RHOBTB1: variants seen among roughly 807,000 people sequenced by gnomAD.
RHOBTB1 encodes Rho related BTB domain containing 1.
A neutral mutation model predicts 71.6 loss-of-function variants in RHOBTB1; 40 were observed. That is an observed-to-expected ratio of 0.56 (90% CI 0.43 to 0.73). The LOEUF (loss-of-function observed/expected upper bound fraction) is 0.73. RHOBTB1 is among the 30% of genes least tolerant of loss of function. The pLI, the probability that RHOBTB1 is intolerant of heterozygous loss-of-function variation, is 0.00. For synonymous variants in RHOBTB1, 319 were observed against 334.9 expected (o/e 0.95, Z 0.52); for missense variants, 797 against 894.0 (o/e 0.89, Z 1.38).
At chr10:60,875,451 A>G (rs12221129) in intron 8 of RHOBTB1, among the ~76,000 whole-genome samples, 9,193 of 152,282 alleles carry the variant, frequency 0.06, 350 homozygotes, top group Admixed American at 0.071. Context: ...TGGACCATCC[A>G]GATATGAAAT....
At chr10:60,920,536 C>T (rs1263045554) in intron 2 of RHOBTB1, among the ~76,000 whole-genome samples, 1 of 151,402 alleles carries the variant, frequency 6.6e-6, no homozygotes, top group East Asian at 1.9e-4. Flanking sequence ...GCCTTTCAGG[C>T]CATAGTCAGG....
Position 60,871,259 on chromosome 10 carries a change from A to G in RHOBTB1, c.*223T>C. ...CAAAAAAAATATACATATCAGTTTA[A>G]GGAATGCAGTGAGAGTCAGCTTCCC... On this transcript the variant is annotated 3_prime_UTR_variant, in exon 11 of 11. Coordinates refer to ENST00000337910, the MANE Select transcript of RHOBTB1 (RefSeq NM_014836.5). 1 of 458,320 alleles carries G rather than the reference A, an allele frequency of 2.2e-6. No homozygotes were observed. 28.4% of individuals were successfully genotyped at this position (458,320 alleles called of 1,614,324 possible).
chr10:60,921,293 T>C (rs1452340979), intron 2 of RHOBTB1, among the ~76,000 whole-genome samples: 6 of 152,122 alleles, frequency 3.9e-5, no homozygotes, highest in African/African-American at 1.2e-4. Context: ...GAGACTGCTG[T>C]ATGTACAGAG....
At chr10:60,945,811 G>A (rs147165084), upstream of RHOBTB1, among the ~76,000 whole-genome samples, 1 of 152,272 alleles carries the variant, frequency 6.6e-6, no homozygotes, top group East Asian at 1.9e-4. Flanking sequence ...AGAAAGAGAG[G>A]GTAGTGAAAA....
At chr10:60,863,148 C>G in the RHOBTB1 span, among the ~76,000 whole-genome samples, 229 of 152,174 alleles carry the variant, frequency 1.5e-3, no homozygotes, top group African/African-American at 5.3e-3. Context: ...TGCTGTAGAT[C>G]TGTAAAATGC....
intron 2 of RHOBTB1, among the ~76,000 whole-genome samples, chr10:60,919,782 A>C (rs1432868786): frequency 6.6e-6 from 1 of 152,240 alleles, no homozygotes; most frequent in Non-Finnish European, 1.5e-5. Flanking sequence ...GCTCTCTGAC[A>C]GTGGAGACCC....
chr10:60,932,613 C>T (rs1483742245), intron 2 of RHOBTB1, among the ~76,000 whole-genome samples: 1 of 150,876 alleles, frequency 6.6e-6, no homozygotes, highest in South Asian at 2.1e-4. Flanking sequence ...AGGGCTGGAT[C>T]GGGAAGCTTT....
the RHOBTB1 span, among the ~76,000 whole-genome samples, chr10:60,862,571 T>TTTCTTTCCTTTCTTCTTTCTTCC: frequency 6.8e-6 from 1 of 147,872 alleles, no homozygotes; most frequent in Admixed American, 6.7e-5. Flanking sequence ...TCTTTCTTTC[T>TTTCTTTCCTTTCTTCTTTCTTCC]TTTCCTTTTT....
chr10:60,945,854 C>T (rs1330473363), upstream of RHOBTB1, among the ~76,000 whole-genome samples: 6 of 152,176 alleles, frequency 3.9e-5, no homozygotes, highest in Non-Finnish European at 8.8e-5. Flanking sequence ...AAGAACACAT[C>T]CAAGAGGTGG....
At chr10:60,880,350 C>T (rs2081274716) in intron 7 of RHOBTB1, among the ~76,000 whole-genome samples, 1 of 151,970 alleles carries the variant, frequency 6.6e-6, no homozygotes, top group Admixed American at 6.6e-5. Flanking sequence ...GGCAGTGTGG[C>T]TCCAGAGCTC....
intron 1 of RHOBTB1, among the ~76,000 whole-genome samples, chr10:60,997,786 A>C: frequency 6.6e-6 from 1 of 152,216 alleles, no homozygotes; most frequent in Non-Finnish European, 1.5e-5. Context: ...AAGATGTTCT[A>C]ATGCTGCTAC....
chr10:60,968,844 TG>T (rs1387889619), intron 2 of RHOBTB1, among the ~76,000 whole-genome samples: 2 of 151,986 alleles, frequency 1.3e-5, no homozygotes, highest in East Asian at 3.9e-4. Flanking sequence ...ATGGCATCCT[TG>T]GGGCTAAGAT....
upstream of RHOBTB1, among the ~76,000 whole-genome samples, chr10:60,945,669 C>T (rs901955442): frequency 6.6e-6 from 1 of 152,174 alleles, no homozygotes; most frequent in African/African-American, 2.4e-5. Context: ...CTAAATCCCC[C>T]AGAGACCCCA....
chr10:60,937,741 A>G (rs1214113608), intron 2 of RHOBTB1, among the ~76,000 whole-genome samples: 1 of 152,226 alleles, frequency 6.6e-6, no homozygotes, highest in African/African-American at 2.4e-5. Context: ...TCAAGAAAAA[A>G]AGGTTCCTAT....
chr10:60,905,894 A>G (rs1035556314), intron 4 of RHOBTB1, among the ~76,000 whole-genome samples: 8 of 152,224 alleles, frequency 5.3e-5, no homozygotes, highest in Non-Finnish European at 1.5e-5. Context: ...GCAAAGATAC[A>G]AACACCAGTC....
intron 2 of RHOBTB1, among the ~76,000 whole-genome samples, chr10:60,984,856 AC>A (rs1476776952): frequency 6.6e-6 from 1 of 152,204 alleles, no homozygotes; most frequent in Admixed American, 6.5e-5. Flanking sequence ...CACAGAATAA[AC>A]AATTTTCAAG....
rs116612905 is a variant in RHOBTB1 at position 60,993,893 on chromosome 10, T to G, written c.-163+7506A>C. ...TGTAGTAATTAATTTTTTGGTGACATTTAGCTCAATAGTGCAATTAGATTT... is the reference window on the plus strand; with the variant it reads ...TGTAGTAATTAATTTTTTGGTGACAGTTAGCTCAATAGTGCAATTAGATTT... On this transcript the variant is annotated intron_variant, in intron 1 of 11. Coordinates refer to the RHOBTB1 transcript ENST00000357917. 5.9e-3 allele frequency among the ~76,000 whole-genome samples: 905 copies of G among 152,254 alleles called. 6 individuals carry two copies. The highest frequency in any genetic ancestry group is 0.021 in the African/African-American group (876 of 41,564).
chr10:60,975,147 T>C (rs1419700528), intron 2 of RHOBTB1, among the ~76,000 whole-genome samples: 1 of 152,116 alleles, frequency 6.6e-6, no homozygotes, highest in Non-Finnish European at 1.5e-5. Flanking sequence ...TCTAAAGGTA[T>C]AGATATAGAT....
At chr10:60,986,191 A>G (rs1338655184) in intron 1 of RHOBTB1, among the ~76,000 whole-genome samples, 1 of 151,978 alleles carries the variant, frequency 6.6e-6, no homozygotes. Flanking sequence ...ATCTGAGTGA[A>G]CTTTAAGTAC....
Sources: gnomAD v4.1 joint callset for allele counts (sites outside exome capture counted in the v4.1 genomes callset) on GRCh38, gnomAD v4.1.1 for gene constraint, MANE v1.5 for transcripts, NCBI Gene and HGNC (gene_info 2026-07-23, HGNC 2026-07-21) for gene names.